Variants in CYBA observed in about 807,000 individuals in gnomAD.
CYBA encodes cytochrome b-245 light chain.
A neutral mutation model predicts 20.8 loss-of-function variants in CYBA; 21 were observed. That is an observed-to-expected ratio of 1.01 (90% CI 0.72 to 1.46). CYBA has a LOEUF of 1.46. Among genes scored for constraint, CYBA ranks in the 40% most tolerant of loss-of-function variants. CYBA has a pLI of 0.00. For synonymous variants in CYBA, 164 were observed against 127.5 expected, an observed-to-expected ratio of 1.29 and a Z score of -1.93; for missense variants, 344 against 287.0, an observed-to-expected ratio of 1.20 and a Z score of -1.43.
At chr16:88,649,270 G>A (rs559290164) in intron 1 of CYBA, among the ~76,000 whole-genome samples, 5 of 152,286 alleles carry the variant, frequency 3.3e-5, no homozygotes, top group African/African-American at 4.8e-5. Context: ...TGGTCTTGTT[G>A]GAAGATTTCC....
In CYBA at chr16:88,648,043, A is replaced by G. The variant is rs1191361764; in HGVS notation, c.128+2T>C. ...CCACCCCAGCCTCAGGTGGAAGGAT[A>G]CATGGAGTAGGCACCAAAGTACCAC... On this transcript the variant is annotated splice_donor_variant, in intron 2 of 5. Transcript: ENST00000261623. LOFTEE classifies it high-confidence loss of function. The G allele has an allele frequency of 2.5e-6, 4 of 1,612,152 alleles. No individual in the cohort carries two copies. Among genetic ancestry groups the G allele is most frequent in the Non-Finnish European group, 3.4e-6 (4 of 1,179,480 alleles).
At chr16:88,647,890 G>T in intron 2 of CYBA, 155 bp downstream of exon 2, 1 of 722,626 alleles carries the variant, frequency 1.4e-6, no homozygotes, top group Non-Finnish European at 2.4e-6. Flanking sequence ...GGGCCTGGCT[G>T]CTGGGGCCTG....
intron 1 of CYBA, among the ~76,000 whole-genome samples, chr16:88,649,503 C>T (rs1344345681): frequency 6.6e-6 from 1 of 152,240 alleles, no homozygotes; most frequent in Non-Finnish European, 1.5e-5. Context: ...ATTTACAGAG[C>T]ACCTGCTGTG....
intron 1 of CYBA, among the ~76,000 whole-genome samples, chr16:88,649,678 G>A (rs1025771641): frequency 2.0e-5 from 3 of 152,386 alleles, no homozygotes; most frequent in African/African-American, 7.2e-5. Flanking sequence ...AGGCCCTGGG[G>A]CACGCTCAGG....
chr16:88,645,249 A>C (rs1440745438), intron 5 of CYBA: 6 of 702,440 alleles, frequency 8.5e-6, no homozygotes, highest in Non-Finnish European at 1.3e-5. Context: ...AGCACTTGGC[A>C]ACAGGAAGGG....
At chr16:88,644,270 C>T (rs1012681748) in intron 5 of CYBA, among the ~76,000 whole-genome samples, 1 of 152,180 alleles carries the variant, frequency 6.6e-6, no homozygotes, top group Non-Finnish European at 1.5e-5. Flanking sequence ...CGGAAACATT[C>T]CATTCTGAAA....
chr16:88,644,907 AG>A, intron 5 of CYBA: 1 of 550,920 alleles, frequency 1.8e-6, no homozygotes, highest in Non-Finnish European at 3.3e-6. Context: ...TCAAGGGAGA[AG>A]AAACTCCAAC....
chr16:88,646,562 G>A (rs1225468615), intron 4 of CYBA, 193 bp downstream of exon 4: 1 of 706,684 alleles, frequency 1.4e-6, no homozygotes. Context: ...GATTTGGAGT[G>A]GATCCTTACA....
chr16:88,650,478 G>A, intron 1 of CYBA: 1 of 463,476 alleles, frequency 2.2e-6, no homozygotes, highest in Non-Finnish European at 4.3e-6. Flanking sequence ...GCAGACTCCA[G>A]ATGAGAAGGG....
intron 1 of CYBA, 102 bp from the exon 2 acceptor site, chr16:88,648,216 C>T: frequency 9.2e-7 from 1 of 1,090,422 alleles, no homozygotes; most frequent in Non-Finnish European, 1.4e-6. Context: ...CCCAGAGCTG[C>T]CCCCTACCCA....
chr16:88,646,341 T>C, intron 4 of CYBA, 144 bp from the exon 5 acceptor site: 1 of 522,180 alleles, frequency 1.9e-6, no homozygotes, highest in Non-Finnish European at 3.2e-6. Context: ...GGGGCTTGTT[T>C]CGGTCCTGGG....
At position 88,643,539 on chromosome 16, in the gene CYBA, G is replaced by A. The variant is rs762995249; in HGVS notation, c.402C>T (p.Ile134=). ...GCGGCCGCTCCCGGGGCTTGGGCTC[G>A]ATGGGCGTCCACTGCTCGCCACGCA... The part of the protein sequence containing the change: ...AAVRGEQWTP[I]EPKPRERPQI... Residue 134 remains isoleucine, a synonymous_variant, in exon 6 of 6, where the codon ATC becomes ATT. Coordinates refer to ENST00000261623, the MANE Select transcript of CYBA (RefSeq NM_000101.4). This position sits in a 1 kb window ranked among gnomAD's most constrained non-coding sequence, Gnocchi z 4.3. 5.8e-5 allele frequency: 89 copies of A among 1,534,868 alleles called. No homozygotes were observed. In the East Asian group the frequency reaches 9.3e-4, roughly 16 times the overall value.
At chr16:88,645,026 G>C in intron 5 of CYBA, 2 of 625,928 alleles carry the variant, frequency 3.2e-6, no homozygotes, top group Non-Finnish European at 5.8e-6. Context: ...GGGAGAGATG[G>C]GGCCACATGG....
In CYBA at chr16:88,643,513, T is replaced by TGG; in HGVS notation, c.427_428insCC (p.Gln143ProfsTer49). On this transcript the variant is annotated frameshift_variant, in exon 6 of 6. Transcript: ENST00000261623. This position sits in a 1 kb window ranked among gnomAD's most constrained non-coding sequence, Gnocchi z 4.3. ...CGGCTGCTTGATGGTGCCTCCGATC[T>TGG]GCGGCCGCTCCCGGGGCTTGGGCTC... is the stretch of plus-strand genomic sequence containing the variant. 6.5e-7 allele frequency: 1 copy of TGG among 1,534,548 alleles called. No homozygotes were observed. Among genetic ancestry groups the TGG allele is most frequent in the Admixed American group, 2.0e-5 (1 of 50,964 alleles).
intron 2 of CYBA, among the ~76,000 whole-genome samples, chr16:88,647,429 C>T (rs1907331191): frequency 1.3e-5 from 2 of 152,202 alleles, no homozygotes; most frequent in South Asian, 4.1e-4. Flanking sequence ...GTCCCAGCTA[C>T]TCCAGAGGCT....
intron 1 of CYBA, chr16:88,650,297 C>T (rs951542071): frequency 2.3e-6 from 1 of 443,502 alleles, no homozygotes; most frequent in African/African-American, 2.0e-5. Context: ...CGAGAGGGTC[C>T]ATTTCCAAAT....
At position 88,643,599 on chromosome 16, in the gene CYBA, G is replaced by A. The variant is rs1252864739; in HGVS notation, c.370-28C>T. On this transcript the variant is annotated intron_variant, in intron 5 of 5. Transcript: ENST00000261623. The surrounding 1 kb of genome is among the most constrained non-coding windows in gnomAD (Gnocchi z 4.3). Reference sequence around the variant, plus strand: ...GCGGGGCACTGAAGGGTTGAGCCGCGCCCCAGCGCCCGCCCTCCCTCCCTC... The same window carrying A: ...GCGGGGCACTGAAGGGTTGAGCCGCACCCCAGCGCCCGCCCTCCCTCCCTC... The A allele has an allele frequency of 2.6e-6, 4 of 1,522,318 alleles. No individual in the cohort carries two copies. The highest frequency in any genetic ancestry group is 1.2e-5 in the South Asian group (1 of 83,682). 94.3% of individuals were successfully genotyped at this position (1,522,318 alleles called of 1,614,324 possible).
At chr16:88,650,652 G>A (rs572800294) in intron 1 of CYBA, 3 of 580,574 alleles carry the variant, frequency 5.2e-6, no homozygotes, top group South Asian at 1.7e-5. Context: ...GGGCTGAACC[G>A]CCTCTTCCCC....
intron 5 of CYBA, chr16:88,644,864 T>C: frequency 2.4e-6 from 1 of 423,566 alleles, no homozygotes; most frequent in South Asian, 3.4e-5. Context: ...AAAACCACAA[T>C]AGAAAAATGG....
Sources: gnomAD v4.1 joint callset for allele counts (sites outside exome capture counted in the v4.1 genomes callset) on GRCh38, gnomAD v4.1.1 for gene constraint, Gnocchi (gnomAD v3.1) non-coding constraint, MANE v1.5 for transcripts, NCBI Gene and HGNC (gene_info 2026-07-23, HGNC 2026-07-21) for gene names.